The following SGCZ variants were observed in gnomAD, a reference collection of about 807,000 sequenced individuals.
SGCZ encodes zeta-sarcoglycan.
Under a neutral mutation model 41.3 loss-of-function variants are expected in SGCZ, and 40 were observed. The observed-to-expected ratio is 0.97, with a 90% CI of 0.75 to 1.26. SGCZ has a LOEUF of 1.26. Ranked by LOEUF, SGCZ falls within the 50% of genes most tolerant of loss-of-function variation. The pLI is 0.00. For missense variants in SGCZ, 552 were observed against 369.8 expected, an observed-to-expected ratio of 1.49 and a Z score of -4.04; for synonymous variants, 206 against 137.5, an observed-to-expected ratio of 1.50 and a Z score of -3.49.
At chr8:14,249,152 G>A (rs1296882952) in intron 3 of SGCZ, among the ~76,000 whole-genome samples, 1 of 152,180 alleles carries the variant, frequency 6.6e-6, no homozygotes, top group East Asian at 1.9e-4. Context: ...CCTCCCCAGT[G>A]TAGTTGGACC....
chr8:15,142,227 G>C (rs1212992141), intron 1 of SGCZ, among the ~76,000 whole-genome samples: 1 of 152,138 alleles, frequency 6.6e-6, no homozygotes. Flanking sequence ...ATTTTATTGA[G>C]GGGTAGGGAA....
chr8:14,393,433 C>T (rs1005740290), intron 2 of SGCZ, among the ~76,000 whole-genome samples: 7 of 152,110 alleles, frequency 4.6e-5, no homozygotes, highest in Non-Finnish European at 8.8e-5. Flanking sequence ...GACAAAATGG[C>T]GCTGATCAAC....
chr8:14,965,975 A>ATGCT (rs770706860), intron 1 of SGCZ, among the ~76,000 whole-genome samples: 18 of 152,102 alleles, frequency 1.2e-4, no homozygotes, highest in Non-Finnish European at 1.8e-4. Flanking sequence ...AACCTACAGA[A>ATGCT]TGCTCTCAAG....
rs958833465 is a variant in SGCZ at position 14,378,188 on chromosome 8, C to T, written c.235-53984G>A. Reference sequence around the variant, plus strand: ...CTATTTCTCCACATCCTCTCCAGCACCTGTTGTTTCCTGACTTTTTAATGA... The same window carrying T: ...CTATTTCTCCACATCCTCTCCAGCATCTGTTGTTTCCTGACTTTTTAATGA... On this transcript the variant is annotated intron_variant, in intron 2 of 7. Transcript: ENST00000382080. Among the ~76,000 whole-genome samples the T allele has an allele frequency of 1.3e-4, 19 of 150,392 alleles. 1 individual carries two copies. Among genetic ancestry groups the T allele is most frequent in the Non-Finnish European group, 1.0e-4 (7 of 67,840 alleles).
intron 1 of SGCZ, among the ~76,000 whole-genome samples, chr8:14,577,313 G>A (rs887466460): frequency 1.3e-5 from 2 of 149,844 alleles, no homozygotes; most frequent in Non-Finnish European, 3.0e-5. Context: ...TGATCTGACA[G>A]ATCTTCAACA....
intron 1 of SGCZ, among the ~76,000 whole-genome samples, chr8:15,089,809 T>C (rs1402796340): frequency 6.6e-6 from 1 of 152,160 alleles, no homozygotes; most frequent in Non-Finnish European, 1.5e-5. Flanking sequence ...ATCATATTGT[T>C]TCAATATAGC....
intron 4 of SGCZ, among the ~76,000 whole-genome samples, chr8:14,212,500 G>T (rs73664178): frequency 0.01 from 1,433 of 142,528 alleles, 26 homozygotes; most frequent in African/African-American, 0.034. Flanking sequence ...AGTTGCCAGA[G>T]CTCAGAAAGC....
At chr8:14,596,195 G>A (rs1388149628) in intron 1 of SGCZ, among the ~76,000 whole-genome samples, 1 of 152,170 alleles carries the variant, frequency 6.6e-6, no homozygotes, top group Non-Finnish European at 1.5e-5. Flanking sequence ...GATAGCCCCA[G>A]ATGCAACCCT....
intron 1 of SGCZ, among the ~76,000 whole-genome samples, chr8:14,608,781 A>C (rs1805835461): frequency 6.6e-6 from 1 of 152,098 alleles, no homozygotes; most frequent in Admixed American, 6.5e-5. Context: ...TCACATTTCA[A>C]CGTGAGATTT....
At chr8:14,480,787 T>C (rs1433269656) in intron 2 of SGCZ, among the ~76,000 whole-genome samples, 1 of 152,080 alleles carries the variant, frequency 6.6e-6, no homozygotes, top group African/African-American at 2.4e-5. Context: ...TCTATATTTA[T>C]TTCAAAACTG....
chr8:15,093,127 A>C (rs1431668526), intron 1 of SGCZ, among the ~76,000 whole-genome samples: 1 of 152,220 alleles, frequency 6.6e-6, no homozygotes, highest in Non-Finnish European at 1.5e-5. Flanking sequence ...CATAATAAAA[A>C]AAATCAATGA....
intron 2 of SGCZ, among the ~76,000 whole-genome samples, chr8:14,534,205 G>C (rs1803224729): frequency 6.6e-6 from 1 of 151,964 alleles, no homozygotes; most frequent in African/African-American, 2.4e-5. Context: ...TTATGAGGTA[G>C]CAGGAAATAT....
chr8:15,097,029 C>T (rs1017584053), intron 1 of SGCZ, among the ~76,000 whole-genome samples: 5 of 152,032 alleles, frequency 3.3e-5, no homozygotes, highest in African/African-American at 1.2e-4. Flanking sequence ...GTTGCCCAAG[C>T]TTGTCTTTAA....
At chr8:14,911,713 G>T (rs149448947) in intron 1 of SGCZ, among the ~76,000 whole-genome samples, 1,751 of 151,928 alleles carry the variant, frequency 0.012, 33 homozygotes, top group African/African-American at 0.039. Flanking sequence ...CCATAAAATA[G>T]TGCTTGTTTA....
chr8:15,015,170 G>A (rs923665467), intron 1 of SGCZ, among the ~76,000 whole-genome samples: 2 of 152,018 alleles, frequency 1.3e-5, no homozygotes, highest in Non-Finnish European at 2.9e-5. Flanking sequence ...TTGAACCTGG[G>A]AGACAGAGGC....
chr8:14,807,510 A>T lies in SGCZ; in HGVS notation c.40-252584T>A, dbSNP rs541055149. Among the ~76,000 whole-genome samples, 18 of 152,098 alleles carry T rather than the reference A, an allele frequency of 1.2e-4. No individual in the cohort carries two copies. In the East Asian group the frequency reaches 3.5e-3, roughly 29 times the overall value. On this transcript the variant is annotated intron_variant, in intron 1 of 7. Transcript: ENST00000382080. ...TTCAAAGAGAAGAAAATACCTAGGA[A>T]TCCAACTTACAAGGGATGTGAAGGA...
At chr8:14,290,493 C>G (rs1012374947) in intron 3 of SGCZ, among the ~76,000 whole-genome samples, 1 of 151,860 alleles carries the variant, frequency 6.6e-6, no homozygotes, top group African/African-American at 2.4e-5. Context: ...TCAATAACAA[C>G]AAAATAATGA....
intron 1 of SGCZ, among the ~76,000 whole-genome samples, chr8:14,977,002 T>C (rs1801499720): frequency 6.6e-6 from 1 of 152,258 alleles, no homozygotes; most frequent in South Asian, 2.1e-4. Context: ...ATTTCAAACA[T>C]GCAATAGCAC....
At chr8:14,512,745 G>GTGCA (rs1802504007) in intron 2 of SGCZ, among the ~76,000 whole-genome samples, 1 of 151,808 alleles carries the variant, frequency 6.6e-6, no homozygotes, top group Admixed American at 6.6e-5. Context: ...GACGATAAGT[G>GTGCA]TGCATCACCA....
Sources: allele counts gnomAD v4.1 joint callset (sites outside exome capture counted in the v4.1 genomes callset), GRCh38; gene constraint gnomAD v4.1.1; transcripts MANE v1.5; gene names NCBI Gene and HGNC (gene_info 2026-07-23, HGNC 2026-07-21).